The following EBF1 variants were observed in gnomAD, a reference collection of about 807,000 sequenced individuals.
EBF1 encodes the protein transcription factor COE1.
EBF1 carries 10 observed loss-of-function variants against 68.4 expected under a neutral mutation model. The observed-to-expected ratio is 0.15, with a 90% CI of 0.09 to 0.25. EBF1 has a LOEUF of 0.25. Among genes scored for constraint, EBF1 ranks in the 10% least tolerant of loss-of-function variants. The pLI is 1.00. For synonymous variants in EBF1, 298 were observed against 299.8 expected (o/e 0.99, Z 0.06); for missense variants, 509 against 794.4 (o/e 0.64, Z 4.32).
intron 15 of EBF1, among the ~76,000 whole-genome samples, chr5:158,701,363 A>T (rs866779983): frequency 0.16 from 1,205 of 7,750 alleles, 20 homozygotes; most frequent in African/African-American, 0.33. Flanking sequence ...GCCAGAATTA[A>T]AAAAAAAAAA....
At chr5:158,802,775 T>C (rs539278336) in intron 8 of EBF1, among the ~76,000 whole-genome samples, 2 of 152,278 alleles carry the variant, frequency 1.3e-5, no homozygotes, top group South Asian at 4.1e-4. Context: ...CTCACAGAGT[T>C]CCAGCAAAAT....
chr5:158,864,223 C>CAA (rs34498854), intron 6 of EBF1, among the ~76,000 whole-genome samples: 784 of 58,500 alleles, frequency 0.013, 39 homozygotes, highest in African/African-American at 0.037. Context: ...GACTCTGTCT[C>CAA]AAAAAAAAAA....
chr5:158,815,995 C>T (rs1783664317), intron 8 of EBF1, among the ~76,000 whole-genome samples: 1 of 152,204 alleles, frequency 6.6e-6, no homozygotes, highest in Non-Finnish European at 1.5e-5. Context: ...CACCTGTCTT[C>T]TTTTCTCAAA....
At chr5:158,765,501 T>C (rs925678646) in intron 10 of EBF1, among the ~76,000 whole-genome samples, 15 of 152,146 alleles carry the variant, frequency 9.9e-5, no homozygotes, top group African/African-American at 3.1e-4. Context: ...GAGTTGGTGC[T>C]TCCTGCAGCT....
At chr5:158,994,624 T>C (rs548132498) in intron 6 of EBF1, among the ~76,000 whole-genome samples, 1 of 152,352 alleles carries the variant, frequency 6.6e-6, no homozygotes, top group Non-Finnish European at 1.5e-5. Context: ...CTTATAATCA[T>C]ATGAGCCAGA....
chr5:159,073,642 C>T, intron 5 of EBF1, 178 bp from the exon 6 acceptor site: 3 of 611,038 alleles, frequency 4.9e-6, no homozygotes, highest in Non-Finnish European at 8.6e-6. Flanking sequence ...GGGTTAATGG[C>T]CAGGCTTAAC....
At chr5:159,081,074 G>A (rs1161722401) in intron 5 of EBF1, among the ~76,000 whole-genome samples, 1 of 152,134 alleles carries the variant, frequency 6.6e-6, no homozygotes, top group Non-Finnish European at 1.5e-5. Flanking sequence ...TGGATCTCCT[G>A]GGCTCAAGCG....
At chr5:158,938,609 A>C (rs1812582592) in intron 6 of EBF1, among the ~76,000 whole-genome samples, 2 of 152,232 alleles carry the variant, frequency 1.3e-5, no homozygotes, top group South Asian at 4.1e-4. Context: ...ATATCTGCTG[A>C]GGGCTCTCTT....
At chr5:158,810,568 T>C (rs1241710149) in intron 8 of EBF1, among the ~76,000 whole-genome samples, 1 of 152,154 alleles carries the variant, frequency 6.6e-6, no homozygotes. Context: ...CTGGGTCCCC[T>C]GCTGCATTTC....
intron 9 of EBF1, among the ~76,000 whole-genome samples, chr5:158,783,753 C>T (rs543276821): frequency 3.3e-5 from 5 of 152,286 alleles, no homozygotes; most frequent in Admixed American, 1.3e-4. Flanking sequence ...TGGAGCCAGA[C>T]ATGAAGGTGG....
chr5:159,001,713 A>G (rs912539988), intron 6 of EBF1, among the ~76,000 whole-genome samples: 1 of 152,214 alleles, frequency 6.6e-6, no homozygotes, highest in Non-Finnish European at 1.5e-5. Context: ...TCCCCAAAAC[A>G]GATGAAGGTT....
chr5:158,791,162 T>C (rs1053833915), intron 9 of EBF1, among the ~76,000 whole-genome samples: 3 of 151,808 alleles, frequency 2.0e-5, no homozygotes, highest in African/African-American at 7.3e-5. Flanking sequence ...CTACTAAAAA[T>C]ACAAAGATTA....
At chr5:158,746,554 C>A (rs2127581852) in intron 10 of EBF1, among the ~76,000 whole-genome samples, 1 of 152,204 alleles carries the variant, frequency 6.6e-6, no homozygotes, top group African/African-American at 2.4e-5. Flanking sequence ...CTTTTTCCTT[C>A]TAACTGGAAT....
intron 6 of EBF1, among the ~76,000 whole-genome samples, chr5:159,058,298 CT>C (rs1347837760): frequency 6.6e-6 from 1 of 152,178 alleles, no homozygotes; most frequent in Admixed American, 6.5e-5. Context: ...AATAAAGATC[CT>C]GTATTTCATT....
Position 158,964,973 on chromosome 5 carries a change from T to C in EBF1, c.554+108423A>G, listed in dbSNP as rs115520688. Among the ~76,000 whole-genome samples, 544 of 152,330 alleles carry C rather than the reference T, an allele frequency of 3.6e-3. 3 individuals are homozygous for C. Among genetic ancestry groups the C allele is most frequent in the African/African-American group, 0.012 (512 of 41,566 alleles). On this transcript the variant is annotated intron_variant, in intron 6 of 15. Coordinates refer to ENST00000313708, the MANE Select transcript of EBF1 (RefSeq NM_024007.5). Reference sequence around the variant, plus strand: ...TTCAGTAAACAGAGATAGCTTAACATGTGATGCGTCAAACAAATAATCCAA... The same window carrying C: ...TTCAGTAAACAGAGATAGCTTAACACGTGATGCGTCAAACAAATAATCCAA...
chr5:158,843,693 G>A (rs926354247), intron 6 of EBF1, among the ~76,000 whole-genome samples: 9 of 152,210 alleles, frequency 5.9e-5, no homozygotes, highest in African/African-American at 1.9e-4. Context: ...CCCTACCCCA[G>A]AGGGAGCCTC....
At chr5:158,835,784 A>G (rs1401108436) in intron 7 of EBF1, among the ~76,000 whole-genome samples, 1 of 152,196 alleles carries the variant, frequency 6.6e-6, no homozygotes, top group Non-Finnish European at 1.5e-5. Context: ...TAAATTGCTT[A>G]ACTGTTCTAA....
intron 8 of EBF1, among the ~76,000 whole-genome samples, chr5:158,803,458 C>A (rs1366578082): frequency 6.6e-6 from 1 of 150,468 alleles, no homozygotes; most frequent in Non-Finnish European, 1.5e-5. Flanking sequence ...ACTGGACAGG[C>A]AAGAGGACAA....
At chr5:158,903,421 T>G (rs1482749036) in intron 6 of EBF1, among the ~76,000 whole-genome samples, 3 of 152,138 alleles carry the variant, frequency 2.0e-5, no homozygotes, top group Admixed American at 6.5e-5. Flanking sequence ...CAATGGCCCC[T>G]CTCTTCTCTC....
Sources: allele counts gnomAD v4.1 joint callset (sites outside exome capture counted in the v4.1 genomes callset), GRCh38; gene constraint gnomAD v4.1.1; transcripts MANE v1.5; gene names NCBI Gene and HGNC (gene_info 2026-07-23, HGNC 2026-07-21).